Variants in ZNF274 observed in about 807,000 individuals in gnomAD.
ZNF274 encodes the protein zinc finger protein 274.
A neutral mutation model predicts 42.5 loss-of-function variants in ZNF274; 23 were observed. The ratio of observed to expected loss-of-function variants is 0.54; its 90% CI spans 0.39 to 0.77. ZNF274 has a LOEUF of 0.77. Ranked by LOEUF, ZNF274 falls within the 30% of genes least tolerant of loss-of-function variation. The pLI, the probability that ZNF274 is intolerant of heterozygous loss-of-function variation, is 0.00. For missense variants in ZNF274, 679 were observed against 806.5 expected (o/e 0.84, Z 1.91); for synonymous variants, 292 against 305.4 (o/e 0.96, Z 0.46).
In ZNF274 at chr19:58,206,741, A is replaced by G; in HGVS notation, c.278A>G (p.Asp93Gly). 1 of 1,593,798 alleles carries G rather than the reference A, an allele frequency of 6.3e-7. No individual in the cohort carries two copies. The highest frequency in any genetic ancestry group is 8.5e-7 in the Non-Finnish European group (1 of 1,170,346). ...ACAGAGTATCCTGAGCTCCAGCTGG[A>G]CCCTAAATTGGATCCTCTTCCTGCT... ...TIPEYPELQL[D>G]PKLDPLPAES... is the part of the protein sequence containing the mutation. The change falls in exon 5 of 8, where the codon GAC (aspartate) becomes GGC (glycine). Residue 93 changes from aspartate to glycine, a missense_variant. By Grantham distance (94) the Asp-to-Gly change is moderately conservative (BLOSUM62 -1). Transcript: ENST00000617501.
chr19:58,194,339 G>A (rs1028393837), intron 4 of ZNF274, among the ~76,000 whole-genome samples: 4 of 109,856 alleles, frequency 3.6e-5, no homozygotes, highest in Admixed American at 8.8e-5. Flanking sequence ...AGGGGTTTGT[G>A]TTTTCTGTGT....
rs2075707933 is a variant in ZNF274 at position 58,186,988 on chromosome 19, G to A, written c.202G>A (p.Glu68Lys). 3 of 1,613,638 alleles carry A rather than the reference G, an allele frequency of 1.9e-6. No individual in the cohort carries two copies. The highest frequency in any genetic ancestry group is 1.3e-5 in the African/African-American group (1 of 74,944). ...SKPDVVSQLE[E>K]AEDFWPVERG... ...ACCAGATGTGGTATCTCAGTTAGAGGAGGCAGAAGATTTCTGGCCAGTGGA... is the reference window on the plus strand; with the variant it reads ...ACCAGATGTGGTATCTCAGTTAGAGAAGGCAGAAGATTTCTGGCCAGTGGA... The change falls in exon 4 of 8, where the codon GAG becomes AAG. Residue 68 changes from glutamate (E) to lysine (K), a missense_variant. By Grantham distance (56) the Glu-to-Lys change is moderately conservative. This residue lies in a region of ZNF274 where 223 missense variants were observed against 216.4 expected (regional missense o/e 1.03). Coordinates refer to ENST00000617501, the MANE Select transcript of ZNF274 (RefSeq NM_133502.3).
At chr19:58,199,478 T>C (rs2075883723) in intron 4 of ZNF274, among the ~76,000 whole-genome samples, 1 of 152,194 alleles carries the variant, frequency 6.6e-6, no homozygotes, top group African/African-American at 2.4e-5. Context: ...CCCGATACTT[T>C]GGGAGGCCAA....
At chr19:58,203,579 CAAA>C (rs34444681) in intron 4 of ZNF274, among the ~76,000 whole-genome samples, 20 of 80,286 alleles carry the variant, frequency 2.5e-4, no homozygotes, top group Non-Finnish European at 3.1e-4. Context: ...AACTCCGTCT[CAAA>C]AAAAAAAAAA....
chr19:58,207,176 G>A lies in ZNF274; in HGVS notation c.713G>A (p.Gly238Asp). 6.2e-7 allele frequency: 1 copy of A among 1,612,716 alleles called. No homozygotes were observed. The highest frequency in any genetic ancestry group is 8.5e-7 in the Non-Finnish European group (1 of 1,179,302). ...NCQEVVALVE[G>D]VTWMSEEEVL... The stretch of plus-strand genomic sequence containing the variant: ...CAAGAGGTGGTGGCCCTGGTAGAGG[G>A]TGTGACCTGGATGTCTGAGGAGGAA... Residue 238 changes from glycine to aspartate, a missense_variant, in exon 5 of 8, where the codon GGT (glycine) becomes GAT (aspartate). Around this residue, in one of 2 missense-constraint regions of ZNF274, gnomAD observed 456 missense variants for 590.1 expected, o/e 0.77. Transcript: ENST00000617501. The surrounding 1 kb of genome is among the most constrained non-coding windows in gnomAD (Gnocchi z 5.6).
intron 4 of ZNF274, among the ~76,000 whole-genome samples, chr19:58,197,416 A>C (rs2075857302): frequency 6.6e-6 from 1 of 152,246 alleles, no homozygotes; most frequent in South Asian, 2.1e-4. Flanking sequence ...TGTCGTAGAG[A>C]AGGCAAACCC....
At chr19:58,190,832 G>C (rs993751553) in intron 4 of ZNF274, among the ~76,000 whole-genome samples, 4 of 152,192 alleles carry the variant, frequency 2.6e-5, no homozygotes, top group Non-Finnish European at 5.9e-5. Flanking sequence ...ACTTCTGGCA[G>C]TATTGAGCTG....
intron 4 of ZNF274, among the ~76,000 whole-genome samples, chr19:58,193,751 G>A (rs774739879): frequency 1.6e-4 from 24 of 151,922 alleles, no homozygotes; most frequent in Middle Eastern, 6.8e-3. Flanking sequence ...ACAGCAAAAC[G>A]TCATCTCTAC....
chr19:58,210,204 C>T (rs776793200), intron 6 of ZNF274, 131 bp downstream of exon 6: 1 of 679,080 alleles, frequency 1.5e-6, no homozygotes, highest in Non-Finnish European at 2.5e-6. Context: ...ATTCTGAGCT[C>T]TTAGGTCTGT....
chr19:58,186,086 A>T (rs2075694848), intron 3 of ZNF274: 1 of 220,576 alleles, frequency 4.5e-6, no homozygotes, highest in South Asian at 1.9e-4. Flanking sequence ...CCGGCCAGGC[A>T]TGGTGGCTCA....
intron 4 of ZNF274, among the ~76,000 whole-genome samples, chr19:58,197,189 CCT>C (rs1310738973): frequency 2.0e-5 from 3 of 152,168 alleles, no homozygotes; most frequent in African/African-American, 7.2e-5. Context: ...GGCAAGGATC[CCT>C]CTCTGAACAC....
chr19:58,188,674 G>GTATATATATATGTATA (rs1555816846), intron 4 of ZNF274, among the ~76,000 whole-genome samples: 7 of 84,882 alleles, frequency 8.2e-5, no homozygotes, highest in African/African-American at 4.2e-4. Context: ...GTGTGTGTGT[G>GTATATATATATGTATA]TGTATATATA....
At chr19:58,196,796 G>T (rs2075848416) in intron 4 of ZNF274, among the ~76,000 whole-genome samples, 1 of 152,126 alleles carries the variant, frequency 6.6e-6, no homozygotes, top group Non-Finnish European at 1.5e-5. Context: ...TTCACTTTCA[G>T]CCTGTCTTTG....
At chr19:58,209,799 G>A in intron 5 of ZNF274, 162 bp from the exon 6 acceptor site, 1 of 564,694 alleles carries the variant, frequency 1.8e-6, no homozygotes, top group Non-Finnish European at 3.2e-6. Context: ...GTGCTGTGAG[G>A]GGAGCAGAGC....
rs570688695 is a variant in ZNF274 at position 58,201,823 on chromosome 19, T to C, written c.257-4897T>C. Among the ~76,000 whole-genome samples, 20 of 152,194 alleles carry C rather than the reference T, an allele frequency of 1.3e-4. No homozygotes were observed. The South Asian group carries it at 2.7e-3, about 21-fold the overall frequency. On this transcript the variant is annotated intron_variant, in intron 4 of 7. Transcript: ENST00000617501. Reference sequence around the variant, plus strand: ...AGTCACCGCACCAGGCATATTTCTTTTGTGTATGGTGTACATTTGCTTCCT... The same window carrying C: ...AGTCACCGCACCAGGCATATTTCTTCTGTGTATGGTGTACATTTGCTTCCT...
intron 4 of ZNF274, among the ~76,000 whole-genome samples, chr19:58,192,091 A>G (rs2075784711): frequency 6.6e-6 from 1 of 152,192 alleles, no homozygotes; most frequent in Non-Finnish European, 1.5e-5. Flanking sequence ...CTGAAGGAAA[A>G]TAAGTCCGTG....
At chr19:58,204,014 G>A (rs760617058) in intron 4 of ZNF274, among the ~76,000 whole-genome samples, 10 of 152,230 alleles carry the variant, frequency 6.6e-5, no homozygotes, top group Non-Finnish European at 1.3e-4. Flanking sequence ...CGTGCCAGCG[G>A]TGGGCACCTC....
At chr19:58,186,749 G>T (rs2075703734) in intron 3 of ZNF274, among the ~76,000 whole-genome samples, 198 bp from the exon 4 acceptor site, 1 of 151,462 alleles carries the variant, frequency 6.6e-6, no homozygotes, top group African/African-American at 2.4e-5. Context: ...TGGCTGACCA[G>T]AACTGGACCC....
At position 58,207,173 on chromosome 19, in the gene ZNF274, A is replaced by G; in HGVS notation, c.710A>G (p.Glu237Gly). 2 of 1,612,978 alleles carry G rather than the reference A, an allele frequency of 1.2e-6. No homozygotes were observed. The highest frequency in any genetic ancestry group is 1.7e-6 in the Non-Finnish European group (2 of 1,179,450). The change falls in exon 5 of 8, where the codon GAG becomes GGG. Residue 237 changes from glutamate to glycine, a missense_variant. Glu to Gly is a moderately conservative substitution (Grantham distance 98). Around this residue, in one of 2 missense-constraint regions of ZNF274, gnomAD observed 456 missense variants for 590.1 expected, o/e 0.77. Transcript: ENST00000617501. This position sits in a 1 kb window ranked among gnomAD's most constrained non-coding sequence, Gnocchi z 5.6. Reference protein sequence around the residue: ...ENCQEVVALVEGVTWMSEEEV... With the variant: ...ENCQEVVALVGGVTWMSEEEV... ...TGCCAAGAGGTGGTGGCCCTGGTAG[A>G]GGGTGTGACCTGGATGTCTGAGGAG...
Sources: allele counts gnomAD v4.1 joint callset (sites outside exome capture counted in the v4.1 genomes callset), GRCh38; gene constraint gnomAD v4.1.1; regional missense constraint gnomAD v4.1.1; non-coding constraint Gnocchi (gnomAD v3.1); transcripts MANE v1.5; gene names NCBI Gene and HGNC (gene_info 2026-07-23, HGNC 2026-07-21).